Variants in ERCC6L2 observed in about 807,000 individuals in gnomAD.
ERCC6L2 encodes ERCC excision repair 6 like 2.
ERCC6L2 carries 77 observed loss-of-function variants against 132.0 expected under a neutral mutation model. The ratio of observed to expected loss-of-function variants is 0.58; its 90% confidence interval spans 0.49 to 0.71. The LOEUF is 0.71. ERCC6L2 is among the 30% of genes least tolerant of loss of function. The probability of loss-of-function intolerance (pLI) is 0.00; values close to 1 mark genes in which losing one functional copy is unlikely to be tolerated. For synonymous variants in ERCC6L2, 583 were observed against 632.4 expected (o/e 0.92, Z 1.17); for missense variants, 1,542 against 1,837.6 (o/e 0.84, Z 2.94).
At chr9:95,993,104 A>G (rs1432776537) in intron 17 of ERCC6L2, among the ~76,000 whole-genome samples, 3 of 152,286 alleles carry the variant, frequency 2.0e-5, no homozygotes, top group African/African-American at 7.2e-5. Context: ...TAAATACGAA[A>G]GAGACTGGTA....
At chr9:95,892,537 C>T (rs1828228200) in intron 2 of ERCC6L2, among the ~76,000 whole-genome samples, 1 of 151,586 alleles carries the variant, frequency 6.6e-6, no homozygotes, top group Non-Finnish European at 1.5e-5. Context: ...ATTCTCATGC[C>T]TCAGCCTCCC....
intron 1 of ERCC6L2, chr9:95,877,159 T>G (rs977259556): frequency 7.2e-5 from 11 of 152,226 alleles, no homozygotes; most frequent in Admixed American, 6.5e-4. Context: ...TCATTAAATT[T>G]TAGGACACTT....
At chr9:95,946,779 A>G (rs1564250660) in intron 12 of ERCC6L2, among the ~76,000 whole-genome samples, 1 of 152,326 alleles carries the variant, frequency 6.6e-6, no homozygotes, top group South Asian at 2.1e-4. Flanking sequence ...CTCTGTGAGA[A>G]TGTAGTTCTC....
At chr9:96,025,021 C>T (rs1834342518) in intron 19 of ERCC6L2, among the ~76,000 whole-genome samples, 2 of 152,182 alleles carry the variant, frequency 1.3e-5, no homozygotes, top group African/African-American at 4.8e-5. Flanking sequence ...GCCTTCTTTC[C>T]AGTTTCCTAC....
intron 16 of ERCC6L2, among the ~76,000 whole-genome samples, chr9:95,973,908 C>G (rs957000561): frequency 5.9e-5 from 9 of 152,144 alleles, no homozygotes; most frequent in Non-Finnish European, 1.3e-4. Flanking sequence ...TACAGAGTTT[C>G]CCTCAGTTTG....
At chr9:96,035,086 G>A (rs188571589) in intron 19 of ERCC6L2, among the ~76,000 whole-genome samples, 8 of 152,236 alleles carry the variant, frequency 5.3e-5, no homozygotes, top group South Asian at 2.1e-4. Flanking sequence ...CTGCAGGCTC[G>A]GGGGTGTCTG....
intron 17 of ERCC6L2, among the ~76,000 whole-genome samples, chr9:95,981,621 C>G (rs546705548): frequency 1.3e-5 from 2 of 152,144 alleles, no homozygotes; most frequent in Admixed American, 1.3e-4. Flanking sequence ...GAAGAGAAAA[C>G]CTGTCTGACT....
At chr9:95,887,465 A>C (rs921971051) in intron 2 of ERCC6L2, among the ~76,000 whole-genome samples, 2 of 152,236 alleles carry the variant, frequency 1.3e-5, no homozygotes, top group African/African-American at 2.4e-5. Flanking sequence ...CTTAAGGACT[A>C]CTATTAAGCA....
At chr9:95,886,960 G>A (rs929301828) in intron 2 of ERCC6L2, among the ~76,000 whole-genome samples, 13 of 152,188 alleles carry the variant, frequency 8.5e-5, no homozygotes, top group African/African-American at 2.4e-4. Flanking sequence ...GTCCTTGAAC[G>A]TCGGACTCAA....
At chr9:95,954,863 A>G (rs1452990930) in intron 12 of ERCC6L2, 1 of 470,924 alleles carries the variant, frequency 2.1e-6, no homozygotes, top group Non-Finnish European at 4.4e-6. Flanking sequence ...CCTGCTGGAG[A>G]TGTGAGATTT....
At chr9:96,035,749 C>T (rs1834511575) in intron 19 of ERCC6L2, among the ~76,000 whole-genome samples, 1 of 152,170 alleles carries the variant, frequency 6.6e-6, no homozygotes, top group Non-Finnish European at 1.5e-5. Context: ...CTCTTTCTTC[C>T]TGGATGTAGG....
At chr9:95,966,446 C>G in intron 13 of ERCC6L2, 116 bp from the exon 14 acceptor site, 5 of 933,838 alleles carry the variant, frequency 5.4e-6, no homozygotes, top group Non-Finnish European at 7.3e-6. Context: ...AATTTCCTCC[C>G]TAAGGAGATT....
intron 11 of ERCC6L2, among the ~76,000 whole-genome samples, chr9:95,930,309 G>A (rs927740377): frequency 1.1e-4 from 17 of 151,966 alleles, no homozygotes; most frequent in African/African-American, 4.1e-4. Flanking sequence ...CTATTTTTCT[G>A]TGACAATTTG....
At chr9:96,003,330 ATGGTTTTCACTAGT>A (rs1294681534) in intron 17 of ERCC6L2, among the ~76,000 whole-genome samples, 1 of 152,078 alleles carries the variant, frequency 6.6e-6, no homozygotes, top group Non-Finnish European at 1.5e-5. Flanking sequence ...ATTGAGATCT[ATGGTTTTCACTAGT>A]TCTGGACAAA....
intron 2 of ERCC6L2, among the ~76,000 whole-genome samples, chr9:95,889,136 C>T (rs1280201889): frequency 6.6e-6 from 1 of 152,096 alleles, no homozygotes; most frequent in Non-Finnish European, 1.5e-5. Context: ...ATTTAGCTGC[C>T]ACATATGAAA....
chr9:95,896,527 T>C (rs1192344288), intron 2 of ERCC6L2, among the ~76,000 whole-genome samples: 1 of 151,840 alleles, frequency 6.6e-6, no homozygotes, highest in African/African-American at 2.4e-5. Context: ...GCTCAAGCAG[T>C]CCTCCTACTT....
intron 19 of ERCC6L2, among the ~76,000 whole-genome samples, chr9:96,037,018 G>A (rs1248679250): frequency 2.0e-5 from 3 of 151,696 alleles, no homozygotes; most frequent in Non-Finnish European, 4.4e-5. Flanking sequence ...CGCCCGCCTC[G>A]GCCTCCCAAA....
chr9:95,908,416 G>A (rs1829186182), intron 4 of ERCC6L2, among the ~76,000 whole-genome samples: 1 of 152,140 alleles, frequency 6.6e-6, no homozygotes, highest in Non-Finnish European at 1.5e-5. Context: ...CAAGCCAAGG[G>A]GAGAGGCTTC....
intron 17 of ERCC6L2, among the ~76,000 whole-genome samples, chr9:95,990,752 A>G (rs951006846): frequency 6.6e-6 from 1 of 152,182 alleles, no homozygotes; most frequent in Non-Finnish European, 1.5e-5. Context: ...CAACCAATGC[A>G]CTTCAAGCTC....
Sources: gnomAD v4.1 joint callset for allele counts (sites outside exome capture counted in the v4.1 genomes callset) on GRCh38, gnomAD v4.1.1 for gene constraint, MANE v1.5 for transcripts, NCBI Gene and HGNC (gene_info 2026-07-23, HGNC 2026-07-21) for gene names.